SPATA9: variants seen among roughly 807,000 people sequenced by gnomAD.
SPATA9 encodes the protein spermatogenesis associated 9, also known as spermatogenesis-associated protein 9.
A neutral mutation model predicts 25.5 loss-of-function variants in SPATA9; 27 were observed. The observed-to-expected ratio is 1.06, with a 90% CI of 0.78 to 1.46. The LOEUF is 1.46. Among genes scored for constraint, SPATA9 ranks in the 40% most tolerant of loss-of-function variants. The pLI, the probability that SPATA9 is intolerant of heterozygous loss-of-function variation, is 0.00. For missense variants in SPATA9, 282 were observed against 297.5 expected (o/e 0.95, Z 0.38); for synonymous variants, 102 against 105.7 (o/e 0.97, Z 0.21).
intron 2 of SPATA9, among the ~76,000 whole-genome samples, chr5:95,680,197 C>T (rs1753323861): frequency 6.6e-6 from 1 of 152,162 alleles, no homozygotes. Context: ...CGCGCCTGGC[C>T]CAGTTAACGT....
At chr5:95,661,261 C>A (rs73149622) in intron 4 of SPATA9, among the ~76,000 whole-genome samples, 1 of 151,912 alleles carries the variant, frequency 6.6e-6, no homozygotes, top group Non-Finnish European at 1.5e-5. Context: ...CAAATGGATT[C>A]TTTTTTAGCT....
chr5:95,698,202 T>A (rs1427987685), intron 1 of SPATA9, among the ~76,000 whole-genome samples: 3 of 152,172 alleles, frequency 2.0e-5, no homozygotes, highest in Non-Finnish European at 2.9e-5. Context: ...AGGTGTGCAC[T>A]GCGATCAGAT....
intron 1 of SPATA9, among the ~76,000 whole-genome samples, chr5:95,693,937 G>A (rs577038719): frequency 1.3e-5 from 2 of 152,112 alleles, no homozygotes; most frequent in Non-Finnish European, 2.9e-5. Flanking sequence ...AAGGCAGGAG[G>A]ATTGCTTGAG....
At chr5:95,654,228 G>T, downstream of SPATA9, 3 of 1,611,176 alleles carry the variant, frequency 1.9e-6, no homozygotes, top group Non-Finnish European at 2.5e-6. Flanking sequence ...ATGGATATTC[G>T]CTGTTACCGT....
chr5:95,666,896 A>G (rs1751861061), intron 3 of SPATA9, among the ~76,000 whole-genome samples: 1 of 152,230 alleles, frequency 6.6e-6, no homozygotes, highest in South Asian at 2.1e-4. Flanking sequence ...AACATTGCAT[A>G]GAAAGAAGTT....
At chr5:95,716,161 G>A in the SPATA9 span, among the ~76,000 whole-genome samples, 2 of 152,224 alleles carry the variant, frequency 1.3e-5, no homozygotes, top group Non-Finnish European at 2.9e-5. Context: ...TTGCCTAGTG[G>A]AGGTGTGAGA....
intron 1 of SPATA9, among the ~76,000 whole-genome samples, chr5:95,691,238 A>C (rs543374082): frequency 6.6e-6 from 1 of 150,732 alleles, no homozygotes; most frequent in East Asian, 2.0e-4. Context: ...AAATTCATTT[A>C]TTATTTCAAC....
At chr5:95,694,659 T>C (rs1053374119) in intron 1 of SPATA9, among the ~76,000 whole-genome samples, 1 of 152,220 alleles carries the variant, frequency 6.6e-6, no homozygotes, top group Non-Finnish European at 1.5e-5. Context: ...TCAGCCAATA[T>C]GAACCAATCA....
upstream of SPATA9, among the ~76,000 whole-genome samples, chr5:95,685,452 G>C (rs576856043): frequency 3.9e-5 from 6 of 152,262 alleles, no homozygotes; most frequent in East Asian, 1.2e-3. Context: ...AAGAATTGTT[G>C]TTGGCCTTAG....
upstream of SPATA9, among the ~76,000 whole-genome samples, chr5:95,684,141 CA>C (rs1482971850): frequency 2.6e-5 from 4 of 152,324 alleles, no homozygotes; most frequent in Admixed American, 2.0e-4. Context: ...GCTTGCCTCT[CA>C]TGACTCTCAT....
At chr5:95,713,353 C>T in the SPATA9 span, among the ~76,000 whole-genome samples, 1 of 151,844 alleles carries the variant, frequency 6.6e-6, no homozygotes, top group South Asian at 2.1e-4. Flanking sequence ...GAGGAGGGGC[C>T]CGGTGGGAGG....
At chr5:95,652,369 G>A, downstream of SPATA9, 2 of 1,543,804 alleles carry the variant, frequency 1.3e-6, no homozygotes, top group Non-Finnish European at 8.8e-7. Flanking sequence ...AAACTCCCCA[G>A]TTTTTCTCTC....
At chr5:95,722,310 G>A in the SPATA9 span, among the ~76,000 whole-genome samples, 8,344 of 152,120 alleles carry the variant, frequency 0.055, 670 homozygotes, top group African/African-American at 0.18. Context: ...GAGTTTGTTG[G>A]AAAGAAGATA....
intron 1 of SPATA9, among the ~76,000 whole-genome samples, chr5:95,688,399 T>C (rs1753800185): frequency 6.6e-6 from 1 of 152,186 alleles, no homozygotes; most frequent in Admixed American, 6.5e-5. Context: ...TACAGGCATG[T>C]GCCATCATGC....
At chr5:95,719,245 C>T in the SPATA9 span, among the ~76,000 whole-genome samples, 8 of 152,188 alleles carry the variant, frequency 5.3e-5, no homozygotes, top group East Asian at 1.9e-4. Flanking sequence ...GAGAGACAGA[C>T]GGGAGTATAG....
the SPATA9 span, among the ~76,000 whole-genome samples, chr5:95,729,171 T>C: frequency 4.6e-5 from 7 of 152,366 alleles, no homozygotes; most frequent in East Asian, 1.3e-3. Context: ...ATTTTATTCC[T>C]TTACTTTCTT....
At chr5:95,694,209 G>A (rs1753957060) in intron 1 of SPATA9, among the ~76,000 whole-genome samples, 1 of 152,112 alleles carries the variant, frequency 6.6e-6, no homozygotes, top group South Asian at 2.1e-4. Flanking sequence ...GTATATATAT[G>A]TAAGTACATA....
intron 3 of SPATA9, among the ~76,000 whole-genome samples, chr5:95,669,858 A>G (rs1046031402): frequency 6.6e-6 from 1 of 152,182 alleles, no homozygotes; most frequent in Admixed American, 6.5e-5. Flanking sequence ...TTCTCTACTA[A>G]GAGTTTTCCA....
At chr5:95,682,498 T>C (rs1333834375) in intron 2 of SPATA9, 30 bp downstream of exon 2, 1 of 1,420,124 alleles carries the variant, frequency 7.0e-7, no homozygotes, top group African/African-American at 1.4e-5. Context: ...ATTTTTTCTA[T>C]TCCTTTTAAA....
Sources: gnomAD v4.1 joint callset for allele counts (sites outside exome capture counted in the v4.1 genomes callset) on GRCh38, gnomAD v4.1.1 for gene constraint, MANE v1.5 for transcripts, NCBI Gene and HGNC (gene_info 2026-07-23, HGNC 2026-07-21) for gene names.